Variants in SDHAF3 observed in about 807,000 individuals in gnomAD.
SDHAF3 encodes the protein succinate dehydrogenase complex assembly factor 3, also known as succinate dehydrogenase assembly factor 3, mitochondrial.
Under a neutral mutation model 11.5 loss-of-function variants are expected in SDHAF3, and 18 were observed. The observed-to-expected ratio is 1.56, with a 90% CI of 1.08 to 2.32. SDHAF3 has a LOEUF of 2.32. Among genes scored for constraint, SDHAF3 ranks in the 30% most tolerant of loss-of-function variants. SDHAF3 has a pLI of 0.00. For synonymous variants in SDHAF3, 72 were observed against 59.3 expected (o/e 1.21, Z -0.99); for missense variants, 200 against 154.4 (o/e 1.30, Z -1.57).
chr7:97,174,846 G>C (rs577319275), intron 1 of SDHAF3, among the ~76,000 whole-genome samples: 1 of 152,302 alleles, frequency 6.6e-6, no homozygotes, highest in South Asian at 2.1e-4. Context: ...TCACTGTAAA[G>C]TTGCTATTTT....
intron 1 of SDHAF3, among the ~76,000 whole-genome samples, chr7:97,152,485 T>A (rs1789239590): frequency 6.6e-6 from 1 of 152,176 alleles, no homozygotes; most frequent in Non-Finnish European, 1.5e-5. Flanking sequence ...TTTATGGGTC[T>A]GGGTAACACC....
At chr7:97,124,569 G>A (rs1224767436) in intron 1 of SDHAF3, among the ~76,000 whole-genome samples, 1 of 152,104 alleles carries the variant, frequency 6.6e-6, no homozygotes, top group Non-Finnish European at 1.5e-5. Flanking sequence ...AGCATTGAAT[G>A]TATAAATTAC....
chr7:97,167,382 A>G (rs1755906528), intron 1 of SDHAF3, among the ~76,000 whole-genome samples: 1 of 152,100 alleles, frequency 6.6e-6, no homozygotes, highest in Admixed American at 6.5e-5. Flanking sequence ...GTTTCCTGTT[A>G]AGGCTACCAA....
chr7:97,127,364 A>G (rs1465938424), intron 1 of SDHAF3, among the ~76,000 whole-genome samples: 1 of 152,044 alleles, frequency 6.6e-6, no homozygotes, highest in East Asian at 1.9e-4. Context: ...AATTCTTTAT[A>G]CTTGTGTGAT....
chr7:97,139,316 C>T (rs1007626064), intron 1 of SDHAF3, among the ~76,000 whole-genome samples: 33 of 152,202 alleles, frequency 2.2e-4, no homozygotes, highest in African/African-American at 7.7e-4. Context: ...GTCCCCCACA[C>T]CCGGAGATGG....
In SDHAF3 at chr7:97,181,398, G is replaced by T; in HGVS notation, c.*183G>T. 2 of 472,358 alleles carry T rather than the reference G, an allele frequency of 4.2e-6. No homozygotes were observed. Among genetic ancestry groups the T allele is most frequent in the Non-Finnish European group, 3.7e-6 (1 of 270,218 alleles). The allele number at this position is 472,358 out of a possible 1,614,324, so 29.3% of individuals were successfully genotyped here. On this transcript the variant is annotated 3_prime_UTR_variant, in exon 2 of 2. Transcript: ENST00000432641. ...CTAGTGACAATTGAAAAAAACTATT[G>T]GAATAATAGCACTTGTATGAAATTC...
intron 1 of SDHAF3, among the ~76,000 whole-genome samples, chr7:97,151,675 A>AT (rs1235555173): frequency 1.3e-5 from 2 of 151,578 alleles, no homozygotes; most frequent in Non-Finnish European, 2.9e-5. Context: ...ATTTTTTTGT[A>AT]TTTTTAGTAG....
At chr7:97,126,855 A>AC (rs1343993082) in intron 1 of SDHAF3, among the ~76,000 whole-genome samples, 2 of 151,608 alleles carry the variant, frequency 1.3e-5, no homozygotes, top group African/African-American at 2.4e-5. Context: ...GAAAAAAAAA[A>AC]AAAAAAACCC....
At chr7:97,162,863 T>C (rs889021172) in intron 1 of SDHAF3, among the ~76,000 whole-genome samples, 4 of 152,194 alleles carry the variant, frequency 2.6e-5, no homozygotes, top group Non-Finnish European at 5.9e-5. Context: ...GAATGTATAT[T>C]CTGTTGATTT....
chr7:97,178,397 A>G (rs975233365), intron 1 of SDHAF3, among the ~76,000 whole-genome samples: 10 of 152,276 alleles, frequency 6.6e-5, no homozygotes, highest in African/African-American at 2.2e-4. Flanking sequence ...CTATGAGTGC[A>G]TTTGCTGGAT....
chr7:97,165,699 T>C (rs930203146), intron 1 of SDHAF3, among the ~76,000 whole-genome samples: 1 of 152,238 alleles, frequency 6.6e-6, no homozygotes, highest in Admixed American at 6.5e-5. Context: ...TCTATGTGTT[T>C]TTGTGAAACT....
At chr7:97,177,692 T>C (rs1294723687) in intron 1 of SDHAF3, among the ~76,000 whole-genome samples, 1 of 152,198 alleles carries the variant, frequency 6.6e-6, no homozygotes, top group Non-Finnish European at 1.5e-5. Flanking sequence ...TTCAAGTTCA[T>C]GAATCTTCAT....
chr7:97,147,891 G>A lies in SDHAF3; in HGVS notation c.174+29994G>A, dbSNP rs1420312803. Among the ~76,000 whole-genome samples the A allele has an allele frequency of 1.3e-5, 2 of 152,066 alleles. 1 individual carries two copies. The highest frequency in any genetic ancestry group is 4.8e-5 in the African/African-American group (2 of 41,424). On this transcript the variant is annotated intron_variant, in intron 1 of 1. Coordinates refer to ENST00000432641, the MANE Select transcript of SDHAF3 (RefSeq NM_020186.3). ...AAAAAATAATTTTATCTTCAGTGGT[G>A]AACTTTTTATTTATTTATTTATTTT...
At chr7:97,125,818 C>T (rs1384346899) in intron 1 of SDHAF3, among the ~76,000 whole-genome samples, 1 of 152,244 alleles carries the variant, frequency 6.6e-6, no homozygotes, top group Non-Finnish European at 1.5e-5. Context: ...TACCTACCTT[C>T]TGAAGCCTAC....
At chr7:97,122,315 ATGG>A (rs1791514092) in intron 1 of SDHAF3, among the ~76,000 whole-genome samples, 1 of 152,218 alleles carries the variant, frequency 6.6e-6, no homozygotes, top group Non-Finnish European at 1.5e-5. Context: ...GGCTTTGTAA[ATGG>A]TGGAAATGAC....
intron 1 of SDHAF3, chr7:97,142,915 T>TTG (rs1554351915): frequency 6.9e-6 from 1 of 144,502 alleles, no homozygotes; most frequent in Non-Finnish European, 1.5e-5. Context: ...TTTTTTTTTT[T>TTG]AGACAGAGTC....
chr7:97,156,490 T>G (rs1418214821), intron 1 of SDHAF3, among the ~76,000 whole-genome samples: 2 of 152,216 alleles, frequency 1.3e-5, no homozygotes, highest in Non-Finnish European at 1.5e-5. Flanking sequence ...TTCAGAACAT[T>G]CTTTATGGGC....
chr7:97,180,842 G>T (rs977659974), intron 1 of SDHAF3, among the ~76,000 whole-genome samples, 170 bp from the exon 2 acceptor site: 2 of 152,124 alleles, frequency 1.3e-5, no homozygotes, highest in Admixed American at 1.3e-4. Flanking sequence ...AGATATACAT[G>T]AAATGATCAA....
intron 1 of SDHAF3, among the ~76,000 whole-genome samples, chr7:97,172,258 T>C (rs1243532625): frequency 1.3e-5 from 2 of 152,216 alleles, no homozygotes; most frequent in Non-Finnish European, 2.9e-5. Flanking sequence ...TTTGACCTTG[T>C]TCTTTTTAAC....
Sources: gnomAD v4.1 joint callset for allele counts (sites outside exome capture counted in the v4.1 genomes callset) on GRCh38, gnomAD v4.1.1 for gene constraint, MANE v1.5 for transcripts, NCBI Gene and HGNC (gene_info 2026-07-23, HGNC 2026-07-21) for gene names.